Variants in SPAG11A observed in about 807,000 individuals in gnomAD.
SPAG11A encodes the protein sperm associated antigen 11A, also known as sperm-associated antigen 11A.
SPAG11A carries 2 observed loss-of-function variants against 5.5 expected under a neutral mutation model. That is an observed-to-expected ratio of 0.37 (90% CI 0.15 to 1.15). SPAG11A has a LOEUF of 1.15. Ranked by LOEUF, SPAG11A falls within the 50% of genes most tolerant of loss-of-function variation. The pLI, the probability that SPAG11A is intolerant of heterozygous loss-of-function variation, is 0.38. For synonymous variants in SPAG11A, 11 were observed against 42.7 expected, an observed-to-expected ratio of 0.26 and a Z score of 2.90; for missense variants, 24 against 122.5, an observed-to-expected ratio of 0.20 and a Z score of 3.80.
chr8:7,861,057 A>G (rs1401404124), downstream of SPAG11A: 1 of 353,866 alleles, frequency 2.8e-6, no homozygotes, highest in Admixed American at 5.1e-5. Flanking sequence ...AGTCAAGGGA[A>G]TATCTCTTAA....
chr8:7,852,353 G>T (rs1342719453), intron 2 of SPAG11A, among the ~76,000 whole-genome samples: 2 of 151,934 alleles, frequency 1.3e-5, no homozygotes, highest in Non-Finnish European at 2.9e-5. Flanking sequence ...CACCCTTGTT[G>T]CCCAGGCTGG....
At chr8:7,857,221 C>G (rs1395557267) in intron 2 of SPAG11A, among the ~76,000 whole-genome samples, 2 of 110,712 alleles carry the variant, frequency 1.8e-5, no homozygotes, top group Non-Finnish European at 4.0e-5. Context: ...ATTGTTTTAT[C>G]TATAAGTCAT....
rs1817968394 is a variant in SPAG11A, at chr8:7,852,525, G to A, written c.214+3682G>A. On this transcript the variant is annotated intron_variant, in intron 2 of 2. Coordinates refer to ENST00000642566, the Ensembl canonical transcript of SPAG11A. Reference sequence around the variant, plus strand: ...ATTTTGTATTTTTAGTAGAGACGGGGTTTCTCCATGTTGATCAGGCTGGTC... The same window carrying A: ...ATTTTGTATTTTTAGTAGAGACGGGATTTCTCCATGTTGATCAGGCTGGTC... Among the ~76,000 whole-genome samples the A allele has an allele frequency of 2.6e-5, 4 of 152,258 alleles. No homozygotes were observed. The South Asian group carries it at 8.3e-4, about 32-fold the overall frequency.
intron 2 of SPAG11A, among the ~76,000 whole-genome samples, chr8:7,852,333 G>A (rs1021929442): frequency 2.0e-5 from 3 of 151,714 alleles, no homozygotes; most frequent in Admixed American, 2.0e-4. Context: ...TTTTTTTTGA[G>A]ACAGAGTTTC....
chr8:7,860,351 C>A, intron 2 of SPAG11A: 1 of 1,429,316 alleles, frequency 7.0e-7, no homozygotes, highest in Non-Finnish European at 9.5e-7. Flanking sequence ...TTCTAGTGCA[C>A]ATCTCTCACC....
intron 2 of SPAG11A, chr8:7,860,328 T>C (rs1818162139): frequency 2.1e-6 from 3 of 1,424,196 alleles, no homozygotes; most frequent in Non-Finnish European, 1.9e-6. Context: ...TTTCCAAAAC[T>C]CCCTTTGTTT....
At chr8:7,857,477 G>T in intron 2 of SPAG11A, among the ~76,000 whole-genome samples, 1 of 59,882 alleles carries the variant, frequency 1.7e-5, no homozygotes, top group African/African-American at 4.8e-5. Context: ...AGATTTCAGA[G>T]ATGTCTTCAG....
At chr8:7,863,793 C>G, downstream of SPAG11A, 2 of 566,348 alleles carry the variant, frequency 3.5e-6, no homozygotes, top group South Asian at 4.5e-5. Flanking sequence ...ATTATGTCCA[C>G]CCCATCCTGC....
chr8:7,860,599 C>G lies in SPAG11A; in HGVS notation c.215-47C>G, dbSNP rs1367884847. ...GTGGGCTGGGTTCATCTTCTATTCT[C>G]TGCACTATATGAGTTAAATGTCAAC... On this transcript the variant is annotated intron_variant, in intron 2 of 2. Coordinates refer to ENST00000642566, the Ensembl canonical transcript of SPAG11A. The G allele has an allele frequency of 1.4e-6, 2 of 1,397,666 alleles. 1 individual carries two copies. The highest frequency in any genetic ancestry group is 3.9e-5 in the Admixed American group (2 of 51,820). The allele number at this position is 1,397,666 out of a possible 1,614,324, so 86.6% of individuals were successfully genotyped here. A position where few individuals can be genotyped will look rare whatever the true frequency, so the allele number is the denominator to read the frequency against.
chr8:7,848,987 CCTG>C, intron 2 of SPAG11A, 144 bp downstream of exon 2: 3 of 284,856 alleles, frequency 1.1e-5, no homozygotes, highest in Non-Finnish European at 2.0e-5. Context: ...ATTGGGCTGC[CCTG>C]CCTGTCAGGG....
At chr8:7,860,134 G>A (rs1818153355) in intron 2 of SPAG11A, among the ~76,000 whole-genome samples, 1 of 148,706 alleles carries the variant, frequency 6.7e-6, no homozygotes, top group Non-Finnish European at 1.5e-5. Context: ...ATGTCCTGTT[G>A]TTATAAAAAT....
chr8:7,860,120 C>A (rs1818152466), intron 2 of SPAG11A, among the ~76,000 whole-genome samples: 1 of 149,042 alleles, frequency 6.7e-6, no homozygotes, highest in Non-Finnish European at 1.5e-5. Context: ...CCATCTCTTG[C>A]CCAATGTCCT....
downstream of SPAG11A, among the ~76,000 whole-genome samples, chr8:7,861,526 G>A (rs1818214817): frequency 6.9e-6 from 1 of 145,112 alleles, no homozygotes; most frequent in South Asian, 2.3e-4. Flanking sequence ...TGTGCAATTG[G>A]AGCAAGGCAG....
rs746499721 is a variant in SPAG11A at position 7,857,443 on chromosome 8, C to CT, written c.215-3183dup. ...CAAATGAAATTGCTTTTCTTTCTTT[C>CT]TTTTTTTTTTTTTTTTTTTTGAGAG... On this transcript the variant is annotated intron_variant, in intron 2 of 2. Transcript: ENST00000642566. Among the ~76,000 whole-genome samples, 56 of 44,700 alleles carry CT rather than the reference C, an allele frequency of 1.3e-3. 2 individuals are homozygous for CT. The highest frequency in any genetic ancestry group is 3.3e-3 in the African/African-American group (54 of 16,162). The allele number at this position is 44,700 out of a possible 152,430, so 29.3% of individuals were successfully genotyped here. A position where few individuals can be genotyped will look rare whatever the true frequency, so the allele number is the denominator to read the frequency against.
At chr8:7,863,198 G>A (rs1272739785), downstream of SPAG11A, among the ~76,000 whole-genome samples, 22 of 33,876 alleles carry the variant, frequency 6.5e-4, no homozygotes, top group African/African-American at 1.3e-3. Context: ...TGCCCTTCCG[G>A]CGCCTGCAGA....
At position 7,852,854 on chromosome 8, in the gene SPAG11A, CTATTT is replaced by C. The variant is rs1416040195; in HGVS notation, c.214+4013_214+4017del. Among the ~76,000 whole-genome samples, 20 of 51,954 alleles carry C rather than the reference CTATTT, an allele frequency of 3.8e-4. No homozygotes were observed. The East Asian group carries it at 0.012, about 30-fold the overall frequency. 34.1% of individuals were successfully genotyped at this position (51,954 alleles called of 152,430 possible). ...TTATTTTTATATCTGTAGAGCCCTT[CTATTT>C]TTTTTTTTTTTTTACTATTTTTGGA... On this transcript the variant is annotated intron_variant, in intron 2 of 2. Coordinates refer to ENST00000642566, the Ensembl canonical transcript of SPAG11A.
intron 2 of SPAG11A, among the ~76,000 whole-genome samples, chr8:7,852,683 C>T (rs1440552496): frequency 2.0e-5 from 3 of 150,864 alleles, no homozygotes; most frequent in Admixed American, 6.6e-5. Flanking sequence ...TTATATCTAA[C>T]CTTACATATT....
intron 2 of SPAG11A, among the ~76,000 whole-genome samples, chr8:7,860,129 C>A (rs1313542641): frequency 6.7e-6 from 1 of 148,720 alleles, no homozygotes; most frequent in Non-Finnish European, 1.5e-5. Context: ...GCCCAATGTC[C>A]TGTTGTTATA....
At chr8:7,852,853 TCTA>T (rs1817989488) in intron 2 of SPAG11A, among the ~76,000 whole-genome samples, 2 of 28,452 alleles carry the variant, frequency 7.0e-5, no homozygotes, top group African/African-American at 1.2e-4. Context: ...GTAGAGCCCT[TCTA>T]TTTTTTTTTT....
Sources: allele counts gnomAD v4.1 joint callset (sites outside exome capture counted in the v4.1 genomes callset), GRCh38; gene constraint gnomAD v4.1.1; transcripts MANE v1.5; gene names NCBI Gene and HGNC (gene_info 2026-07-23, HGNC 2026-07-21).